The following LRP2 variants were observed in gnomAD, a reference collection of about 807,000 sequenced individuals.
LRP2 encodes the protein low-density lipoprotein receptor-related protein 2.
Under a neutral mutation model 531.0 loss-of-function variants are expected in LRP2, and 172 were observed. That is an observed-to-expected ratio of 0.32 (90% CI 0.29 to 0.37). The LOEUF (loss-of-function observed/expected upper bound fraction) is 0.37, where lower values mean the gene tolerates loss of function less well. Among genes scored for constraint, LRP2 ranks in the 10% least tolerant of loss-of-function variants. The probability of loss-of-function intolerance (pLI) is 1.00; values close to 1 mark genes in which losing one functional copy is unlikely to be tolerated. For synonymous variants in LRP2, 1,992 were observed against 2,027.6 expected (o/e 0.98, Z 0.47); for missense variants, 5,167 against 5,868.3 (o/e 0.88, Z 3.90).
At position 169,244,689 on chromosome 2, in the gene LRP2, T is replaced by A; in HGVS notation, c.3430+4A>T. The A allele has an allele frequency of 6.2e-7, 1 of 1,614,224 alleles. No individual in the cohort carries two copies. The highest frequency in any genetic ancestry group is 1.3e-5 in the African/African-American group (1 of 75,070). The stretch of plus-strand genomic sequence containing the variant: ...CAACCAAGGGAAACCAGCTCAAAAC[T>A]TACTGCAGTTCTTTTCATCAGATCC... On this transcript the variant is annotated splice_donor_region_variant and intron_variant, in intron 22 of 78. Coordinates refer to ENST00000649046, the MANE Select transcript of LRP2 (RefSeq NM_004525.3).
In LRP2 at chr2:169,277,885, A is replaced by G; in HGVS notation, c.1632T>C (p.Asp544=). ...GEPKLERAFM[D]GSNRKDLVKT... is the part of the protein sequence containing the mutation. ...TCACCAAGTCTTTACGGTTGCTGCCATCCATGAATGCCCTTTCCAGCTTAG... is the reference window on the plus strand; with the variant it reads ...TCACCAAGTCTTTACGGTTGCTGCCGTCCATGAATGCCCTTTCCAGCTTAG... Residue 544 remains aspartate, a synonymous_variant, in exon 13 of 79, where the codon GAT becomes GAC. Transcript: ENST00000649046. 6.2e-7 allele frequency: 1 copy of G among 1,614,154 alleles called. No individual in the cohort carries two copies. Among genetic ancestry groups the G allele is most frequent in the East Asian group, 2.2e-5 (1 of 44,878 alleles).
chr2:169,243,033 C>T lies in LRP2; in HGVS notation c.3590G>A (p.Gly1197Glu), dbSNP rs760417303. The change falls in exon 24 of 79, where the codon GGG (glycine) becomes GAG (glutamate). Residue 1197 changes from glycine (G) to glutamate (E), a missense_variant. By Grantham distance (98) the Gly-to-Glu change is moderately conservative (BLOSUM62 -2). This residue lies in a region of LRP2 where 2,811 missense variants were observed against 3,058.0 expected (regional missense o/e 0.92). Coordinates refer to ENST00000649046, the MANE Select transcript of LRP2 (RefSeq NM_004525.3). The part of the protein sequence containing the change: ...CTASQFKCAS[G>E]DKCIGVTNRC... Reference sequence around the variant, plus strand: ...ATTTGTGACGCCAATACATTTATCCCCACTGGCACACTTGAATTGAGAAGC... The same window carrying T: ...ATTTGTGACGCCAATACATTTATCCTCACTGGCACACTTGAATTGAGAAGC... 7 of 1,613,932 alleles carry T rather than the reference C, an allele frequency of 4.3e-6. No homozygotes were observed. Among genetic ancestry groups the T allele is most frequent in the Middle Eastern group, 1.6e-4 (1 of 6,084 alleles).
At chr2:169,274,081 T>G (rs1683491113) in intron 14 of LRP2, among the ~76,000 whole-genome samples, 1 of 152,198 alleles carries the variant, frequency 6.6e-6, no homozygotes, top group African/African-American at 2.4e-5. Context: ...TTTGCAGTCT[T>G]TCTTCATCCT....
At chr2:169,233,971 C>G (rs902055985) in intron 29 of LRP2, among the ~76,000 whole-genome samples, 9 of 152,292 alleles carry the variant, frequency 5.9e-5, no homozygotes, top group African/African-American at 2.2e-4. Context: ...CACGCCCCAG[C>G]CTTCACTCCA....
intron 22 of LRP2, among the ~76,000 whole-genome samples, 160 bp from the exon 23 acceptor site, chr2:169,243,682 G>T (rs1689896045): frequency 6.6e-6 from 1 of 152,166 alleles, no homozygotes; most frequent in Admixed American, 6.5e-5. Flanking sequence ...CTAAGCAAAA[G>T]AACTCAAAAC....
chr2:169,188,509 GAAATGCTACCATT>G (rs1300796036), intron 48 of LRP2, among the ~76,000 whole-genome samples: 4 of 152,244 alleles, frequency 2.6e-5, no homozygotes, highest in African/African-American at 9.6e-5. Context: ...GCTACCATTA[GAAATGCTACCATT>G]AAATGCTACC....
intron 42 of LRP2, among the ~76,000 whole-genome samples, chr2:169,203,482 T>C (rs1196238977): frequency 6.6e-6 from 1 of 152,236 alleles, no homozygotes; most frequent in Non-Finnish European, 1.5e-5. Flanking sequence ...CTTCATAGGC[T>C]GAGTGCTGTG....
intron 3 of LRP2, among the ~76,000 whole-genome samples, chr2:169,309,005 G>A (rs1272546566): frequency 1.3e-5 from 2 of 152,114 alleles, no homozygotes; most frequent in African/African-American, 2.4e-5. Flanking sequence ...GTGTCTGTTG[G>A]CTGCATAAAT....
At chr2:169,219,776 A>G (rs183934339) in intron 34 of LRP2, among the ~76,000 whole-genome samples, 75 of 152,094 alleles carry the variant, frequency 4.9e-4, no homozygotes, top group African/African-American at 1.7e-3. Context: ...CATGTAACAA[A>G]CCTGCACATG....
chr2:169,242,238 G>A (rs1052893193), intron 24 of LRP2, among the ~76,000 whole-genome samples: 4 of 152,124 alleles, frequency 2.6e-5, no homozygotes, highest in Non-Finnish European at 4.4e-5. Flanking sequence ...ACTCACTGAT[G>A]AGTTTTTGCA....
intron 49 of LRP2, among the ~76,000 whole-genome samples, chr2:169,187,111 C>T (rs979161140): frequency 2.0e-4 from 30 of 151,574 alleles, no homozygotes; most frequent in Non-Finnish European, 3.4e-4. Flanking sequence ...GGTACATGTG[C>T]GGGATGTGCA....
chr2:169,243,629 TG>T, intron 22 of LRP2, 107 bp from the exon 23 acceptor site: 1 of 1,357,732 alleles, frequency 7.4e-7, no homozygotes, highest in Non-Finnish European at 1.1e-6. Context: ...CAATTGTACA[TG>T]GGTTCAAAAT....
intron 7 of LRP2, 137 bp from the exon 8 acceptor site, chr2:169,291,134 G>C: frequency 1.3e-6 from 1 of 747,002 alleles, no homozygotes; most frequent in Non-Finnish European, 2.2e-6. Flanking sequence ...CAATAAGTTA[G>C]TGATTTCTAA....
At position 169,318,745 on chromosome 2, in the gene LRP2, C is replaced by G. The variant is rs1292761381; in HGVS notation, c.310+17G>C. ...GTGTCCACAAAGCCAAAGCAAGATT[C>G]CTCTCCAAACACTTACAGCAATCTT... On this transcript the variant is annotated intron_variant, in intron 3 of 78. Coordinates refer to ENST00000649046, the MANE Select transcript of LRP2 (RefSeq NM_004525.3). 1 of 1,613,996 alleles carries G rather than the reference C, an allele frequency of 6.2e-7. No individual in the cohort carries two copies. Among genetic ancestry groups the G allele is most frequent in the Admixed American group, 1.7e-5 (1 of 60,004 alleles).
At chr2:169,213,548 A>G in intron 36 of LRP2, 109 bp downstream of exon 36, 2 of 899,698 alleles carry the variant, frequency 2.2e-6, no homozygotes, top group South Asian at 2.7e-5. Context: ...TTCAATTTGT[A>G]TGCACGTGTA....
At chr2:169,163,024 G>C (rs1322708056) in intron 62 of LRP2, among the ~76,000 whole-genome samples, 1 of 152,218 alleles carries the variant, frequency 6.6e-6, no homozygotes, top group East Asian at 1.9e-4. Flanking sequence ...GAATAACATA[G>C]AGTGATGAGG....
intron 61 of LRP2, among the ~76,000 whole-genome samples, chr2:169,166,303 A>G (rs1686782112): frequency 1.3e-5 from 2 of 152,228 alleles, no homozygotes; most frequent in Non-Finnish European, 2.9e-5. Context: ...TAGTAGAGAA[A>G]CAGGCTTTTC....
chr2:169,139,439 C>A, intron 73 of LRP2, 68 bp from the exon 74 acceptor site: 1 of 1,613,746 alleles, frequency 6.2e-7, no homozygotes, highest in Non-Finnish European at 8.5e-7. Context: ...AAACTGGGGG[C>A]TAGAACCACT....
chr2:169,263,323 A>G (rs1211578637), intron 16 of LRP2, among the ~76,000 whole-genome samples: 1 of 152,200 alleles, frequency 6.6e-6, no homozygotes, highest in African/African-American at 2.4e-5. Context: ...ACAAAATGGG[A>G]GAAAATATTC....
Sources: allele counts gnomAD v4.1 joint callset (sites outside exome capture counted in the v4.1 genomes callset), GRCh38; gene constraint gnomAD v4.1.1; regional missense constraint gnomAD v4.1.1; transcripts MANE v1.5; gene names NCBI Gene and HGNC (gene_info 2026-07-23, HGNC 2026-07-21).